PIK3C2B: variants seen among roughly 807,000 people sequenced by gnomAD.
PIK3C2B encodes the protein phosphatidylinositol-4-phosphate 3-kinase catalytic subunit type 2 beta.
Under a neutral mutation model 184.3 loss-of-function variants are expected in PIK3C2B, and 83 were observed. That is an observed-to-expected ratio of 0.45 (90% confidence interval 0.38 to 0.54). The LOEUF is 0.54. PIK3C2B is among the 20% of genes least tolerant of loss of function. The pLI, the probability that PIK3C2B is intolerant of heterozygous loss-of-function variation, is 0.00. For synonymous variants in PIK3C2B, 779 were observed against 837.6 expected (o/e 0.93, Z 1.21); for missense variants, 1,736 against 2,113.5 (o/e 0.82, Z 3.50).
chr1:204,449,760 G>A, intron 13 of PIK3C2B, 90 bp downstream of exon 13: 1 of 1,208,688 alleles, frequency 8.3e-7, no homozygotes, highest in African/African-American at 1.5e-5. Context: ...CTCTCCCAAG[G>A]CGCACTGGCC....
chr1:204,465,367 C>A, intron 2 of PIK3C2B, 48 bp from the exon 3 acceptor site: 1 of 1,189,334 alleles, frequency 8.4e-7, no homozygotes, highest in African/African-American at 1.5e-5. Context: ...TCGTGGTGTC[C>A]CCTCCCTATG....
chr1:204,443,576 C>A lies in PIK3C2B; in HGVS notation c.2889G>T (p.Lys963Asn). Residue 963 changes from lysine to asparagine, a missense_variant, in exon 19 of 33, where the codon AAG becomes AAT. Transcript: ENST00000684373. Reference protein sequence around the residue: ...YFFWLLKDGLKDSQFSIRYQY... With the variant: ...YFFWLLKDGLNDSQFSIRYQY... ...GGTAGCGGATGCTGAACTGAGAGTCCTTGAGGCCGTCCTTCAGTAACCTGC... is the reference window on the plus strand; with the variant it reads ...GGTAGCGGATGCTGAACTGAGAGTCATTGAGGCCGTCCTTCAGTAACCTGC... The A allele has an allele frequency of 6.2e-7, 1 of 1,614,208 alleles. No individual in the cohort carries two copies. Among genetic ancestry groups the A allele is most frequent in the South Asian group, 1.1e-5 (1 of 91,086 alleles).
intron 5 of PIK3C2B, among the ~76,000 whole-genome samples, chr1:204,462,521 CT>C (rs1190144121): frequency 6.6e-5 from 10 of 152,352 alleles, no homozygotes; most frequent in Admixed American, 5.2e-4. Flanking sequence ...ACTATGTCCC[CT>C]TTTTCCCTTC....
Position 204,456,275 on chromosome 1 carries a change from ATC to A in PIK3C2B, c.1748-226_1748-225del, listed in dbSNP as rs1425986417. 167 of 402,850 alleles carry A rather than the reference ATC, an allele frequency of 4.1e-4. No homozygotes were observed. The Admixed American group carries it at 4.3e-3, about 10-fold the overall frequency. The allele number at this position is 402,850 out of a possible 1,614,324, so 25.0% of individuals were successfully genotyped here. Reference sequence around the variant, plus strand: ...TGACAGTTATACAATGTTAAACATAATCCTTATTTTTACGTATTGCTACTTAG... The same window carrying A: ...TGACAGTTATACAATGTTAAACATAACTTATTTTTACGTATTGCTACTTAG... On this transcript the variant is annotated intron_variant, in intron 10 of 32. Transcript: ENST00000684373.
intron 9 of PIK3C2B, 84 bp from the exon 10 acceptor site, chr1:204,457,154 G>C (rs1023800293): frequency 5.0e-6 from 6 of 1,200,958 alleles, no homozygotes; most frequent in Non-Finnish European, 7.1e-6. Flanking sequence ...TCACAGCTGC[G>C]CTCATCTGGA....
At position 204,460,664 on chromosome 1, in the gene PIK3C2B, G is replaced by A. The variant is rs774938866; in HGVS notation, c.1311-3C>T. ...CATGACTGCCCAAGGCATGCTTGCT[G>A]GTAGGGTAGAGGGACAAGACCATTA... On this transcript the variant is annotated splice_polypyrimidine_tract_variant and splice_region_variant and intron_variant, in intron 5 of 32. Coordinates refer to ENST00000684373, the MANE Select transcript of PIK3C2B (RefSeq NM_001377334.1). The A allele has an allele frequency of 6.3e-7, 1 of 1,594,892 alleles. No homozygotes were observed. The highest frequency in any genetic ancestry group is 1.7e-5 in the Admixed American group (1 of 59,984).
At position 204,447,370 on chromosome 1, in the gene PIK3C2B, G is replaced by A; in HGVS notation, c.2489+66C>T. On this transcript the variant is annotated intron_variant, in intron 15 of 32. Coordinates refer to ENST00000684373, the MANE Select transcript of PIK3C2B (RefSeq NM_001377334.1). The surrounding 1 kb of genome is among the most constrained non-coding windows in gnomAD (Gnocchi z 4.1). ...TCCCACCTCCACTCCCAAAGCAGGAGGACGGAGACTCAGTGCTGGGAGGTC... is the reference window on the plus strand; with the variant it reads ...TCCCACCTCCACTCCCAAAGCAGGAAGACGGAGACTCAGTGCTGGGAGGTC... 1.3e-6 allele frequency: 2 copies of A among 1,501,226 alleles called. No homozygotes were observed. The highest frequency in any genetic ancestry group is 1.8e-6 in the Non-Finnish European group (2 of 1,090,728). 93.0% of individuals were successfully genotyped at this position (1,501,226 alleles called of 1,614,324 possible).
intron 23 of PIK3C2B, among the ~76,000 whole-genome samples, chr1:204,437,253 G>C (rs1443567761): frequency 3.3e-5 from 5 of 152,110 alleles, no homozygotes; most frequent in African/African-American, 1.2e-4. Flanking sequence ...CCAGCACTAT[G>C]GGAGGCTGAG....
chr1:204,449,127 T>C, intron 14 of PIK3C2B, 58 bp downstream of exon 14: 1 of 1,212,482 alleles, frequency 8.2e-7, no homozygotes, highest in East Asian at 2.4e-5. Context: ...AGGAGAAAAA[T>C]GTAGAGTTGA....
chr1:204,469,146 CT>C lies in PIK3C2B; in HGVS notation c.656del (p.Gln219ArgfsTer22). On this transcript the variant is annotated frameshift_variant, in exon 2 of 33. Coordinates refer to ENST00000684373, the MANE Select transcript of PIK3C2B (RefSeq NM_001377334.1). LOFTEE classifies it high-confidence loss of function. ...AGTCCACAGACCCCAGTAGGCGCCC[CT>C]GACCCCCACCTCCCAGCACCTCTTC... is the stretch of plus-strand genomic sequence containing the variant. The part of the protein sequence containing the change: ...EEEEVLGGGG[Q>X]GRLLGSVDYD... 1 of 1,614,206 alleles carries C rather than the reference CT, an allele frequency of 6.2e-7. No individual in the cohort carries two copies. The highest frequency in any genetic ancestry group is 8.5e-7 in the Non-Finnish European group (1 of 1,180,030).
At chr1:204,454,881 C>T in intron 11 of PIK3C2B, 90 bp from the exon 12 acceptor site, 6 of 1,433,236 alleles carry the variant, frequency 4.2e-6, no homozygotes, top group Non-Finnish European at 3.8e-6. Context: ...AATCCATTTC[C>T]CCTGGTAAAA....
chr1:204,488,718 A>G (rs1205390540), intron 1 of PIK3C2B, among the ~76,000 whole-genome samples: 2 of 152,074 alleles, frequency 1.3e-5, no homozygotes, highest in African/African-American at 2.4e-5. Context: ...TCCTGCCCCA[A>G]TTCCTACTCA....
intron 2 of PIK3C2B, chr1:204,466,652 G>C: frequency 2.6e-6 from 1 of 387,782 alleles, no homozygotes; most frequent in Non-Finnish European, 5.1e-6. Context: ...AAGAGAGAGA[G>C]ACAGTGGGGG....
intron 10 of PIK3C2B, 61 bp downstream of exon 10, chr1:204,456,976 G>C (rs909205565): frequency 2.1e-6 from 3 of 1,421,360 alleles, no homozygotes; most frequent in Admixed American, 2.1e-5. Flanking sequence ...AAAAGGAATC[G>C]GGGCAGAGAC....
intron 12 of PIK3C2B, among the ~76,000 whole-genome samples, chr1:204,453,703 T>C (rs1346449042): frequency 1.3e-5 from 2 of 152,074 alleles, no homozygotes; most frequent in African/African-American, 4.8e-5. Context: ...TGAGAAGCCC[T>C]CCAACTAGTT....
In PIK3C2B at chr1:204,484,035, A is replaced by G. The variant is rs573055163; in HGVS notation, c.-85+10321T>C. On this transcript the variant is annotated intron_variant, in intron 1 of 32. Coordinates refer to ENST00000684373, the MANE Select transcript of PIK3C2B (RefSeq NM_001377334.1). ...GTATGTGCCATTTCAAGGTCTGTGA[A>G]ACTAGTACAGCCCACTGTAGCAACG... 1.1e-3 allele frequency among the ~76,000 whole-genome samples: 175 copies of G among 152,312 alleles called. 2 individuals carry two copies. In the South Asian group the frequency reaches 0.014, roughly 12 times the overall value.
chr1:204,443,966 A>T, intron 18 of PIK3C2B, 102 bp downstream of exon 18: 1 of 826,208 alleles, frequency 1.2e-6, no homozygotes, highest in Non-Finnish European at 2.1e-6. Context: ...GCACATACTG[A>T]AGCCCGGACA....
Position 204,424,815 on chromosome 1 carries a change from C to A in PIK3C2B, c.*37G>T. On this transcript the variant is annotated 3_prime_UTR_variant, in exon 33 of 33. Coordinates refer to ENST00000684373, the MANE Select transcript of PIK3C2B (RefSeq NM_001377334.1). The stretch of plus-strand genomic sequence containing the variant: ...GAGAGTCCTCTCCCCCAGCTCCTGC[C>A]ACCAGCCTGGGATGCTGGGTGGTGG... The A allele has an allele frequency of 6.2e-7, 1 of 1,604,762 alleles. No homozygotes were observed. The highest frequency in any genetic ancestry group is 8.5e-7 in the Non-Finnish European group (1 of 1,171,762).
intron 12 of PIK3C2B, among the ~76,000 whole-genome samples, chr1:204,453,380 T>C (rs1654535914): frequency 6.6e-6 from 1 of 152,240 alleles, no homozygotes; most frequent in Non-Finnish European, 1.5e-5. Context: ...CACCAAATTA[T>C]TGTTTACATG....
Sources: allele counts gnomAD v4.1 joint callset (sites outside exome capture counted in the v4.1 genomes callset), GRCh38; gene constraint gnomAD v4.1.1; non-coding constraint Gnocchi (gnomAD v3.1); transcripts MANE v1.5; gene names NCBI Gene and HGNC (gene_info 2026-07-23, HGNC 2026-07-21).